ESF1: variants seen among roughly 807,000 people sequenced by gnomAD.
The protein encoded by ESF1 is ESF1 homolog.
Under a neutral mutation model 92.0 loss-of-function variants are expected in ESF1, and 58 were observed. The ratio of observed to expected loss-of-function variants is 0.63; its 90% CI spans 0.51 to 0.78. The LOEUF (loss-of-function observed/expected upper bound fraction) is 0.78. ESF1 is among the 30% of genes least tolerant of loss of function. The pLI is 0.00. For synonymous variants in ESF1, 321 were observed against 313.7 expected (o/e 1.02, Z -0.24); for missense variants, 922 against 989.1 (o/e 0.93, Z 0.91).
At position 13,715,507 on chromosome 20, in the gene ESF1, G is replaced by T. The variant is rs1250251193; in HGVS notation, c.2263-340C>A. Among the ~76,000 whole-genome samples the T allele has an allele frequency of 4.6e-5, 7 of 152,104 alleles. No individual in the cohort carries two copies. The East Asian group carries it at 1.3e-3, about 29-fold the overall frequency. ...GGTTTGTGAGGCAGGGCTTTCCCATGCTTACAGCACAAAATCAATTTCTTA... is the reference window on the plus strand; with the variant it reads ...GGTTTGTGAGGCAGGGCTTTCCCATTCTTACAGCACAAAATCAATTTCTTA... On this transcript the variant is annotated intron_variant, in intron 13 of 13. Transcript: ENST00000617257.
intron 7 of ESF1, among the ~76,000 whole-genome samples, chr20:13,769,676 C>T (rs1213977923): frequency 5.9e-5 from 9 of 152,072 alleles, no homozygotes; most frequent in Non-Finnish European, 1.3e-4. Flanking sequence ...ATCCCAGCTA[C>T]TTGGGCAGCT....
intron 9 of ESF1, among the ~76,000 whole-genome samples, chr20:13,755,183 A>C (rs1010911109): frequency 1.3e-5 from 2 of 152,212 alleles, no homozygotes; most frequent in African/African-American, 2.4e-5. Context: ...TGGAGTAAGG[A>C]AGAGAAGTTG....
chr20:13,765,282 G>C (rs1327618756), intron 8 of ESF1, among the ~76,000 whole-genome samples: 1 of 152,142 alleles, frequency 6.6e-6, no homozygotes, highest in Non-Finnish European at 1.5e-5. Context: ...TTAACAGCAA[G>C]CTAGGTACTT....
chr20:13,733,670 T>A, intron 10 of ESF1, 51 bp downstream of exon 10: 1 of 1,557,756 alleles, frequency 6.4e-7, no homozygotes, highest in Non-Finnish European at 8.7e-7. Flanking sequence ...TGGTACCATC[T>A]GATATATGGT....
chr20:13,769,160 TTAA>T (rs1249606505), intron 7 of ESF1, among the ~76,000 whole-genome samples: 4 of 152,216 alleles, frequency 2.6e-5, no homozygotes, highest in African/African-American at 9.6e-5. Context: ...CCCTAGGATA[TTAA>T]TAACTGATGT....
At chr20:13,754,375 G>C (rs1313271479) in intron 9 of ESF1, among the ~76,000 whole-genome samples, 1 of 152,152 alleles carries the variant, frequency 6.6e-6, no homozygotes, top group Non-Finnish European at 1.5e-5. Context: ...CTAGATGTTA[G>C]AGTGCTCCAA....
At chr20:13,721,312 G>A (rs923629783) in intron 11 of ESF1, among the ~76,000 whole-genome samples, 15 of 152,116 alleles carry the variant, frequency 9.9e-5, no homozygotes, top group East Asian at 3.9e-4. Flanking sequence ...ATTATGTTGC[G>A]ATCACAGCTC....
At chr20:13,724,905 T>TG (rs2049890996) in intron 11 of ESF1, among the ~76,000 whole-genome samples, 1 of 152,198 alleles carries the variant, frequency 6.6e-6, no homozygotes. Flanking sequence ...AAAAGGGACA[T>TG]GCTCCTTTTG....
At chr20:13,771,708 G>A (rs999179014) in intron 5 of ESF1, among the ~76,000 whole-genome samples, 2 of 152,092 alleles carry the variant, frequency 1.3e-5, no homozygotes, top group South Asian at 2.1e-4. Context: ...TAGGAAAGGA[G>A]TGTGTGGGAA....
chr20:13,751,198 T>C (rs1362280600), intron 9 of ESF1, among the ~76,000 whole-genome samples: 2 of 152,186 alleles, frequency 1.3e-5, no homozygotes, highest in Non-Finnish European at 2.9e-5. Flanking sequence ...ACGGAACATG[T>C]GCAACGAAAA....
In ESF1 at chr20:13,733,722, TTC is replaced by T; in HGVS notation, c.1947_1948del (p.Lys650GlyfsTer4). ...TTTGGTCATAATTATCAATGATACC[TTC>T]TGTTTCCTTTTCAGTCTTTTTTTCT... On this transcript the variant is annotated frameshift_variant and splice_region_variant, in exon 10 of 14. Transcript: ENST00000617257. LOFTEE classifies it high-confidence loss of function. 1.2e-6 allele frequency: 2 copies of T among 1,611,624 alleles called. No individual in the cohort carries two copies. Among genetic ancestry groups the T allele is most frequent in the Non-Finnish European group, 1.7e-6 (2 of 1,179,298 alleles).
At chr20:13,780,640 A>C (rs146994830) in intron 2 of ESF1, among the ~76,000 whole-genome samples, 2 of 147,260 alleles carry the variant, frequency 1.4e-5, no homozygotes, top group Non-Finnish European at 3.0e-5. Flanking sequence ...CCTATCAAGA[A>C]CTCTTGGGCT....
chr20:13,717,536 T>C (rs1210604935), intron 12 of ESF1, 22 bp from the exon 13 acceptor site: 1 of 1,611,560 alleles, frequency 6.2e-7, no homozygotes, highest in South Asian at 1.1e-5. Flanking sequence ...AAAAAAAAGT[T>C]CAAATGTACA....
At chr20:13,775,739 T>C in intron 3 of ESF1, 134 bp downstream of exon 3, 5 of 1,043,466 alleles carry the variant, frequency 4.8e-6, no homozygotes, top group Non-Finnish European at 6.6e-6. Context: ...ATATTCCATA[T>C]CAAATTTTAA....
chr20:13,720,939 G>A (rs1005661575), intron 11 of ESF1, among the ~76,000 whole-genome samples: 1 of 152,138 alleles, frequency 6.6e-6, no homozygotes, highest in Admixed American at 6.5e-5. Flanking sequence ...TGGCCAACAT[G>A]GTGAAACTCT....
At chr20:13,761,190 A>G (rs1449401120) in intron 8 of ESF1, among the ~76,000 whole-genome samples, 1 of 152,134 alleles carries the variant, frequency 6.6e-6, no homozygotes, top group Admixed American at 6.5e-5. Context: ...CAACATGCTC[A>G]TTAAGAGTCA....
chr20:13,772,648 G>T, intron 4 of ESF1, 33 bp from the exon 5 acceptor site: 1 of 1,443,838 alleles, frequency 6.9e-7, no homozygotes, highest in Non-Finnish European at 9.7e-7. Flanking sequence ...AATGTAATTT[G>T]TACATTCCTT....
At chr20:13,784,477 T>C (rs1326485361) in intron 1 of ESF1, among the ~76,000 whole-genome samples, 1 of 152,148 alleles carries the variant, frequency 6.6e-6, no homozygotes, top group Non-Finnish European at 1.5e-5. Context: ...CTGCATGTAT[T>C]GTAAATGTTT....
At chr20:13,763,957 G>T (rs2147766432) in intron 8 of ESF1, among the ~76,000 whole-genome samples, 1 of 152,304 alleles carries the variant, frequency 6.6e-6, no homozygotes, top group Middle Eastern at 3.4e-3. Context: ...TTAGAAAAAT[G>T]AAGCAGTGTC....
Sources: gnomAD v4.1 joint callset for allele counts (sites outside exome capture counted in the v4.1 genomes callset) on GRCh38, gnomAD v4.1.1 for gene constraint, MANE v1.5 for transcripts, NCBI Gene and HGNC (gene_info 2026-07-23, HGNC 2026-07-21) for gene names.